Variants in COL4A6 observed in about 807,000 individuals in gnomAD.
The protein encoded by COL4A6 is collagen alpha-6(IV) chain.
COL4A6 carries 59 observed loss-of-function variants against 126.7 expected under a neutral mutation model. The ratio of observed to expected loss-of-function variants is 0.47; its 90% confidence interval spans 0.38 to 0.58. COL4A6 has a LOEUF of 0.58. Ranked by LOEUF, COL4A6 falls within the 20% of genes least tolerant of loss-of-function variation. The pLI is 0.00. For missense variants in COL4A6, 1,285 were observed against 1,337.3 expected (o/e 0.96, Z 0.61); for synonymous variants, 547 against 496.6 (o/e 1.10, Z -1.35).
At chrX:108,246,541 A>G (rs2036720936) in intron 3 of COL4A6, among the ~76,000 whole-genome samples, 1 of 112,290 alleles carries the variant, frequency 8.9e-6, no homozygotes, top group African/African-American at 3.2e-5. Context: ...TTTATTTAGA[A>G]AAAGAGGTGA....
chrX:108,384,650 G>A lies in COL4A6; in HGVS notation c.63+53292C>T, dbSNP rs12690165. Among the ~76,000 whole-genome samples, 680 of 111,349 alleles carry A rather than the reference G, an allele frequency of 6.1e-3. 2 individuals carry two copies. The highest frequency in any genetic ancestry group is 0.037 in the East Asian group (131 of 3,546). ...GGTAGGCATGAGAGAGAACATAATT[G>A]TTTTTGAAATATGGAAAGAAAGAAG... is the stretch of plus-strand genomic sequence containing the variant. On this transcript the variant is annotated intron_variant, in intron 2 of 44. Transcript: ENST00000334504.
At chrX:108,213,988 C>T (rs1264392229) in intron 6 of COL4A6, 124 bp downstream of exon 6, 1 of 552,853 alleles carries the variant, frequency 1.8e-6, no homozygotes, top group East Asian at 3.3e-5. Flanking sequence ...TTGACTCCTA[C>T]ATTGGACAAG....
chrX:108,174,443 T>C lies in COL4A6; in HGVS notation c.3135A>G (p.Glu1045=), dbSNP rs768546627. Residue 1045 remains glutamate (E), a synonymous_variant, in exon 31 of 45, where the codon GAA becomes GAG. Transcript: ENST00000334504. ...ACAAAGATCTGGTCACACTTACACT[T>C]TCTCCTGGCATTCCTGGGAAACCTG... ...GITGFPGMPG[E]SGSQGIRGSP... 1.7e-6 allele frequency: 2 copies of C among 1,210,710 alleles called. No individual in the cohort carries two copies. The highest frequency in any genetic ancestry group is 2.2e-6 in the Non-Finnish European group (2 of 894,990).
intron 2 of COL4A6, among the ~76,000 whole-genome samples, chrX:108,426,933 T>A (rs1048164998): frequency 5.4e-5 from 6 of 111,883 alleles, no homozygotes; most frequent in Non-Finnish European, 1.1e-4. Context: ...ACATCCAGAA[T>A]TAAATACGGA....
Position 108,211,730 on chromosome X carries a change from C to G in COL4A6, c.452G>C (p.Gly151Ala). ...PGLLGPPGLP[G>A]QKGSKGDPVL... ...AGGGTCACCTTTTGATCCTTTCTGA[C>G]CAGGAAGCCCCTGAGTAAAATAGTT... Residue 151 changes from glycine (G) to alanine (A), a missense_variant, in exon 7 of 45, where the codon GGT becomes GCT. Physicochemically the swap from Gly to Ala is moderately conservative, Grantham distance 60 (BLOSUM62 0). Coordinates refer to ENST00000334504, the MANE Select transcript of COL4A6 (RefSeq NM_033641.4). 1 of 1,209,212 alleles carries G rather than the reference C, an allele frequency of 8.3e-7. No homozygotes were observed. Among genetic ancestry groups the G allele is most frequent in the Non-Finnish European group, 1.1e-6 (1 of 893,353 alleles).
chrX:108,178,107 G>A (rs1392499936), intron 27 of COL4A6, among the ~76,000 whole-genome samples: 1 of 112,410 alleles, frequency 8.9e-6, no homozygotes, highest in Non-Finnish European at 1.9e-5. Context: ...ACTAGGCCAG[G>A]AGTAAGGGGC....
intron 27 of COL4A6, 134 bp from the exon 28 acceptor site, chrX:108,177,145 A>G: frequency 1.9e-6 from 1 of 533,358 alleles, no homozygotes; most frequent in Non-Finnish European, 3.0e-6. Context: ...ACAATAGCAC[A>G]TGCAAACTGC....
chrX:108,229,609 A>G (rs1214357934), intron 3 of COL4A6, among the ~76,000 whole-genome samples: 1 of 112,561 alleles, frequency 8.9e-6, no homozygotes, highest in Non-Finnish European at 1.9e-5. Context: ...ATCATTTAGC[A>G]TTGCACCTTG....
chrX:108,419,320 T>G (rs906260015), intron 2 of COL4A6, among the ~76,000 whole-genome samples: 1 of 111,990 alleles, frequency 8.9e-6, no homozygotes, highest in Non-Finnish European at 1.9e-5. Context: ...GTGAAAGTTC[T>G]TATTTATTTG....
intron 36 of COL4A6, 44 bp downstream of exon 36, chrX:108,169,901 G>A: frequency 1.8e-6 from 2 of 1,109,668 alleles, no homozygotes; most frequent in Non-Finnish European, 2.4e-6. Context: ...CCAGGCTTCT[G>A]GAAGAGCTGA....
At chrX:108,204,189 C>T (rs2035475217) in intron 12 of COL4A6, 131 bp downstream of exon 12, 1 of 451,206 alleles carries the variant, frequency 2.2e-6, no homozygotes, top group African/African-American at 2.5e-5. Context: ...TTTACTCTCA[C>T]TTCTAAACAA....
chrX:108,175,389 A>G (rs2034447410), intron 29 of COL4A6, among the ~76,000 whole-genome samples, 174 bp from the exon 30 acceptor site: 1 of 111,408 alleles, frequency 9.0e-6, no homozygotes, highest in Admixed American at 9.6e-5. Context: ...CTCTTCTACA[A>G]ATCCCAAGTC....
chrX:108,162,990 G>T lies in COL4A6; in HGVS notation c.4118C>A (p.Ala1373Asp). 8.3e-7 allele frequency: 1 copy of T among 1,200,015 alleles called. No homozygotes were observed. The highest frequency in any genetic ancestry group is 1.8e-5 in the African/African-American group (1 of 57,113). The change falls in exon 41 of 45, where the codon GCT (alanine) becomes GAT (aspartate). Residue 1373 changes from alanine to aspartate, a missense_variant. Ala to Asp is a moderately radical substitution (Grantham distance 126, BLOSUM62 -2). Coordinates refer to ENST00000334504, the MANE Select transcript of COL4A6 (RefSeq NM_033641.4). The part of the protein sequence containing the change: ...GDPGQTPTAE[A>D]VQVPPGPLGL... ...CAAGGGTCCAGGAGGAACCTGGACA[G>T]CTTCTGCAGTTGGTGTTTGTCCAGG...
At chrX:108,340,429 C>T (rs1398754006) in intron 2 of COL4A6, among the ~76,000 whole-genome samples, 1 of 111,645 alleles carries the variant, frequency 9.0e-6, no homozygotes, top group Non-Finnish European at 1.9e-5. Flanking sequence ...ACTTAGTTGA[C>T]AAGCATGTGC....
intron 23 of COL4A6, among the ~76,000 whole-genome samples, chrX:108,183,453 C>T (rs1205388380): frequency 9.0e-6 from 1 of 111,366 alleles, no homozygotes; most frequent in South Asian, 3.9e-4. Context: ...GCCAAGCTAT[C>T]GACATGCATG....
chrX:108,399,734 T>C (rs1443788537), intron 2 of COL4A6, among the ~76,000 whole-genome samples: 1 of 111,794 alleles, frequency 8.9e-6, no homozygotes, highest in Non-Finnish European at 1.9e-5. Context: ...ATTTTGAAAG[T>C]TTGATAATGC....
intron 3 of COL4A6, among the ~76,000 whole-genome samples, chrX:108,236,774 GAGAGTACTCTCTGGAA>G (rs2036438684): frequency 9.0e-6 from 1 of 111,418 alleles, no homozygotes; most frequent in Admixed American, 9.5e-5. Flanking sequence ...CCTCTCTCTT[GAGAGTACTCTCTGGAA>G]AGTAACCAGT....
chrX:108,248,771 A>G (rs2036778487), intron 3 of COL4A6, among the ~76,000 whole-genome samples: 1 of 110,993 alleles, frequency 9.0e-6, no homozygotes, highest in South Asian at 3.8e-4. Context: ...ACTGAGCTGC[A>G]CAGTGAGAGG....
intron 3 of COL4A6, among the ~76,000 whole-genome samples, chrX:108,243,591 T>C (rs747059825): frequency 2.7e-5 from 3 of 112,033 alleles, no homozygotes; most frequent in Non-Finnish European, 5.6e-5. Context: ...CCACCTAGTC[T>C]ATGGAATTTT....
Sources: allele counts gnomAD v4.1 joint callset (sites outside exome capture counted in the v4.1 genomes callset), GRCh38; gene constraint gnomAD v4.1.1; transcripts MANE v1.5; gene names NCBI Gene and HGNC (gene_info 2026-07-23, HGNC 2026-07-21).